Variants in SLC44A5 observed in about 807,000 individuals in gnomAD.
SLC44A5 encodes choline transporter-like protein 5.
Under a neutral mutation model 101.8 loss-of-function variants are expected in SLC44A5, and 57 were observed. That is an observed-to-expected ratio of 0.56 (90% CI 0.45 to 0.70). The LOEUF (loss-of-function observed/expected upper bound fraction) is 0.70. Ranked by LOEUF, SLC44A5 falls within the 30% of genes least tolerant of loss-of-function variation. The pLI, the probability that SLC44A5 is intolerant of heterozygous loss-of-function variation, is 0.00. For synonymous variants in SLC44A5, 281 were observed against 290.9 expected, an observed-to-expected ratio of 0.97 and a Z score of 0.35; for missense variants, 737 against 853.1, an observed-to-expected ratio of 0.86 and a Z score of 1.70.
At chr1:75,537,411 G>T (rs1671114543) in intron 2 of SLC44A5, among the ~76,000 whole-genome samples, 1 of 152,122 alleles carries the variant, frequency 6.6e-6, no homozygotes, top group Non-Finnish European at 1.5e-5. Flanking sequence ...ATCTCTCAAA[G>T]TATTTTTGCT....
At position 75,237,087 on chromosome 1, in the gene SLC44A5, GA is replaced by G; in HGVS notation, c.657-18del. 6 of 1,510,526 alleles carry G rather than the reference GA, an allele frequency of 4.0e-6. No individual in the cohort carries two copies. Among genetic ancestry groups the G allele is most frequent in the South Asian group, 2.3e-5 (2 of 86,572 alleles). The allele number at this position is 1,510,526 out of a possible 1,614,324, so 93.6% of individuals were successfully genotyped here. A position where few individuals can be genotyped will look rare whatever the true frequency, so the allele number is the denominator to read the frequency against. ...TTGATACCACTGCATTGAAAGAAGG[GA>G]AAAAATCAATTATTTTTTGATGACC... On this transcript the variant is annotated intron_variant, in intron 10 of 23. Coordinates refer to ENST00000370859, the MANE Select transcript of SLC44A5 (RefSeq NM_001130058.2).
In SLC44A5 at chr1:75,277,579, C is replaced by T. The variant is rs1652029405; in HGVS notation, c.176-2537G>A. On this transcript the variant is annotated intron_variant, in intron 5 of 23. Transcript: ENST00000370859. ...GTTAACAGGGGGAAAACAAGGACAT[C>T]AGCTAAATAAAGATCAGCAAAATGT... Among the ~76,000 whole-genome samples, 3 of 151,932 alleles carry T rather than the reference C, an allele frequency of 2.0e-5. No homozygotes were observed. The South Asian group carries it at 6.2e-4, about 32-fold the overall frequency.
intron 2 of SLC44A5, among the ~76,000 whole-genome samples, chr1:75,429,912 TCAA>T (rs1479059340): frequency 6.6e-6 from 1 of 152,122 alleles, no homozygotes; most frequent in East Asian, 1.9e-4. Flanking sequence ...CCAAACCATA[TCAA>T]CATCTATTGT....
At chr1:75,264,137 A>C (rs1427690478) in intron 6 of SLC44A5, among the ~76,000 whole-genome samples, 2 of 151,970 alleles carry the variant, frequency 1.3e-5, no homozygotes, top group African/African-American at 4.8e-5. Context: ...TTAAAAAAAA[A>C]AAAAAAAAAA....
At chr1:75,589,003 C>G (rs1465148056) in intron 1 of SLC44A5, among the ~76,000 whole-genome samples, 2 of 152,178 alleles carry the variant, frequency 1.3e-5, no homozygotes. Flanking sequence ...AGGCTTAAGG[C>G]ATGAGTAAGC....
chr1:75,605,420 T>C (rs1254064116), intron 1 of SLC44A5, among the ~76,000 whole-genome samples: 1 of 151,952 alleles, frequency 6.6e-6, no homozygotes, highest in Non-Finnish European at 1.5e-5. Flanking sequence ...AAAATCCTAA[T>C]GGCCCAAAAA....
intron 13 of SLC44A5, among the ~76,000 whole-genome samples, chr1:75,226,395 T>C (rs1647195977): frequency 6.6e-6 from 1 of 152,164 alleles, no homozygotes; most frequent in African/African-American, 2.4e-5. Context: ...TAGCTTCTGA[T>C]TGGTAATCTT....
At chr1:75,463,586 C>A (rs1360825101) in intron 2 of SLC44A5, among the ~76,000 whole-genome samples, 4 of 151,744 alleles carry the variant, frequency 2.6e-5, no homozygotes, top group African/African-American at 9.7e-5. Flanking sequence ...AAATTTTTAC[C>A]CTAGAATAGT....
intron 2 of SLC44A5, among the ~76,000 whole-genome samples, chr1:75,540,873 G>C (rs1557888690): frequency 6.6e-6 from 1 of 152,136 alleles, no homozygotes; most frequent in South Asian, 2.1e-4. Context: ...ATGCCTGTAA[G>C]GGGCTTAAAA....
the SLC44A5 span, among the ~76,000 whole-genome samples, chr1:75,679,169 C>T: frequency 6.6e-6 from 1 of 152,262 alleles, no homozygotes; most frequent in Admixed American, 6.5e-5. Context: ...GAGAACGGAA[C>T]CAAGTTGGAA....
At chr1:75,253,650 A>G (rs1180771821) in intron 6 of SLC44A5, among the ~76,000 whole-genome samples, 2 of 152,184 alleles carry the variant, frequency 1.3e-5, no homozygotes, top group Non-Finnish European at 2.9e-5. Flanking sequence ...TAAATTATAC[A>G]TATCTTGGAT....
intron 22 of SLC44A5, 119 bp downstream of exon 22, chr1:75,213,586 C>A: frequency 1.3e-6 from 1 of 755,858 alleles, no homozygotes; most frequent in Non-Finnish European, 2.2e-6. Flanking sequence ...TGGCTGACAC[C>A]TTGATCTTGG....
intron 2 of SLC44A5, among the ~76,000 whole-genome samples, chr1:75,521,360 G>A (rs1461826839): frequency 3.3e-5 from 5 of 152,166 alleles, no homozygotes; most frequent in African/African-American, 9.7e-5. Flanking sequence ...AGAGGTAGGC[G>A]TCAAGGATCT....
intron 1 of SLC44A5, among the ~76,000 whole-genome samples, chr1:75,590,890 A>C (rs1570691348): frequency 6.6e-6 from 1 of 152,232 alleles, no homozygotes; most frequent in Admixed American, 6.5e-5. Context: ...GCTACCCTGA[A>C]GGGAAGGAGA....
intron 2 of SLC44A5, among the ~76,000 whole-genome samples, chr1:75,441,613 C>G (rs191701785): frequency 1.3e-3 from 197 of 151,660 alleles, no homozygotes; most frequent in Middle Eastern, 0.01. Flanking sequence ...AATATATTAC[C>G]CAATTACATA....
chr1:75,691,403 T>C, the SLC44A5 span, among the ~76,000 whole-genome samples: 1 of 152,108 alleles, frequency 6.6e-6, no homozygotes, highest in Non-Finnish European at 1.5e-5. Context: ...CTGTACTAGA[T>C]AAAATCATCT....
intron 1 of SLC44A5, among the ~76,000 whole-genome samples, chr1:75,553,351 C>T (rs942218869): frequency 2.0e-5 from 3 of 152,126 alleles, no homozygotes; most frequent in Non-Finnish European, 4.4e-5. Flanking sequence ...TTCAATATCT[C>T]AGCTGCCACA....
At chr1:75,462,077 G>A (rs1281306847) in intron 2 of SLC44A5, among the ~76,000 whole-genome samples, 2 of 152,218 alleles carry the variant, frequency 1.3e-5, no homozygotes, top group Non-Finnish European at 2.9e-5. Flanking sequence ...CAGGCCTTGG[G>A]CAAGACCCAG....
chr1:75,437,907 G>C (rs906765492), intron 2 of SLC44A5, among the ~76,000 whole-genome samples: 14 of 152,116 alleles, frequency 9.2e-5, no homozygotes, highest in African/African-American at 3.4e-4. Context: ...TTTTGTGTGA[G>C]TATAGTGGGT....
Sources: gnomAD v4.1 joint callset for allele counts (sites outside exome capture counted in the v4.1 genomes callset) on GRCh38, gnomAD v4.1.1 for gene constraint, MANE v1.5 for transcripts, NCBI Gene and HGNC (gene_info 2026-07-23, HGNC 2026-07-21) for gene names.